REC114: variants seen among roughly 807,000 people sequenced by gnomAD.
The protein encoded by REC114 is meiotic recombination protein REC114.
REC114 carries 27 observed loss-of-function variants against 31.3 expected under a neutral mutation model. The observed-to-expected ratio is 0.86, with a 90% CI of 0.64 to 1.19. The LOEUF (loss-of-function observed/expected upper bound fraction) is 1.19, where lower values mean the gene tolerates loss of function less well. REC114 is among the 50% of genes most tolerant of loss of function. REC114 has a pLI of 0.00. For missense variants in REC114, 344 were observed against 326.9 expected (o/e 1.05, Z -0.40); for synonymous variants, 134 against 127.7 (o/e 1.05, Z -0.33).
chr15:73,458,385 C>T (rs1434953638), intron 1 of REC114, among the ~76,000 whole-genome samples: 1 of 152,160 alleles, frequency 6.6e-6, no homozygotes, highest in Non-Finnish European at 1.5e-5. Flanking sequence ...TTCTGCCATA[C>T]ACCGACACTT....
At chr15:73,496,410 G>A (rs1396665961) in intron 2 of REC114, among the ~76,000 whole-genome samples, 1 of 143,744 alleles carries the variant, frequency 7.0e-6, no homozygotes, top group Non-Finnish European at 1.5e-5. Flanking sequence ...CGTAATCCCA[G>A]CACTTTGGGA....
chr15:73,494,927 C>T (rs113327418), intron 2 of REC114, among the ~76,000 whole-genome samples: 18 of 152,174 alleles, frequency 1.2e-4, no homozygotes, highest in Non-Finnish European at 2.4e-4. Flanking sequence ...CTTATCTAGC[C>T]TGGTTTGCTT....
chr15:73,531,462 T>C (rs1894081605), intron 2 of REC114, among the ~76,000 whole-genome samples: 1 of 152,230 alleles, frequency 6.6e-6, no homozygotes, highest in Non-Finnish European at 1.5e-5. Context: ...TCATAATTTA[T>C]AATGCATGAA....
At chr15:73,546,817 GAA>G (rs11421177) in intron 3 of REC114, among the ~76,000 whole-genome samples, 4 of 115,836 alleles carry the variant, frequency 3.5e-5, no homozygotes, top group East Asian at 2.5e-4. Context: ...TCTGTCTCAG[GAA>G]AAAAAAAAAA....
chr15:73,468,665 G>T (rs961571588), intron 1 of REC114, among the ~76,000 whole-genome samples: 2 of 149,914 alleles, frequency 1.3e-5, no homozygotes, highest in African/African-American at 4.9e-5. Flanking sequence ...CTTTCAGTAT[G>T]AAGTTAGCTG....
chr15:73,530,494 T>G (rs893700927), intron 2 of REC114, among the ~76,000 whole-genome samples: 3 of 152,078 alleles, frequency 2.0e-5, no homozygotes, highest in African/African-American at 7.2e-5. Context: ...CAAAAAAATT[T>G]AAAATTAGCT....
chr15:73,490,692 C>T (rs1172064764), intron 2 of REC114, among the ~76,000 whole-genome samples: 1 of 152,046 alleles, frequency 6.6e-6, no homozygotes, highest in African/African-American at 2.4e-5. Context: ...AAGACCTTGT[C>T]TCAAAAAATA....
intron 2 of REC114, among the ~76,000 whole-genome samples, chr15:73,506,558 A>G (rs1163016022): frequency 6.6e-6 from 1 of 152,254 alleles, no homozygotes; most frequent in Non-Finnish European, 1.5e-5. Flanking sequence ...GAAATTGTTA[A>G]CTATAAACAA....
chr15:73,519,350 A>C (rs1351867850), intron 2 of REC114, among the ~76,000 whole-genome samples: 1 of 152,196 alleles, frequency 6.6e-6, no homozygotes. Flanking sequence ...GCAAGCCCTC[A>C]TCAGACACTG....
intron 2 of REC114, among the ~76,000 whole-genome samples, chr15:73,492,995 C>T (rs1012986428): frequency 6.6e-6 from 1 of 151,350 alleles, no homozygotes; most frequent in Admixed American, 6.6e-5. Context: ...TTTTTTTACT[C>T]TTCTTTATTT....
In REC114 at chr15:73,559,788, G is replaced by C. The variant is rs1304381370; in HGVS notation, c.673G>C (p.Glu225Gln). The change falls in exon 6 of 6, where the codon GAA becomes CAA. Residue 225 changes from glutamate (E) to glutamine (Q), a missense_variant. Coordinates refer to ENST00000331090, the MANE Select transcript of REC114 (RefSeq NM_001042367.2). ...ATCGGAGGAGCTGCCCCATGTCTAT[G>C]AACAATCTGCATGGGGTGCAGAAGA... ...LASEELPHVYEQSAWGAEELG... is the reference protein window; with the variant it reads ...LASEELPHVYQQSAWGAEELG... 6.2e-7 allele frequency: 1 copy of C among 1,608,202 alleles called. No homozygotes were observed. The highest frequency in any genetic ancestry group is 2.2e-5 in the East Asian group (1 of 44,670).
intron 2 of REC114, among the ~76,000 whole-genome samples, chr15:73,503,975 T>A (rs182539054): frequency 6.6e-6 from 1 of 151,292 alleles, no homozygotes; most frequent in African/African-American, 2.4e-5. Context: ...TGCTTTTATA[T>A]CTTAGAAATT....
chr15:73,466,955 C>G (rs1344414993), intron 1 of REC114, among the ~76,000 whole-genome samples: 2 of 152,120 alleles, frequency 1.3e-5, no homozygotes. Context: ...AGGGAAAAGC[C>G]AACTGCATCC....
intron 4 of REC114, among the ~76,000 whole-genome samples, chr15:73,555,041 T>G (rs989953585): frequency 8.5e-5 from 13 of 152,216 alleles, no homozygotes; most frequent in Non-Finnish European, 1.6e-4. Flanking sequence ...CGTTTTTTGT[T>G]TTCTTGTCTT....
rs183139043 is a variant in REC114 at position 73,523,610 on chromosome 15, C to T, written c.250-16875C>T. On this transcript the variant is annotated intron_variant, in intron 2 of 5. Transcript: ENST00000331090. ...TCAGGCCATATTTAGTTTGCTTTAA[C>T]GTATATATGTTGTGAATACTTTTTC... Among the ~76,000 whole-genome samples, 15 of 152,254 alleles carry T rather than the reference C, an allele frequency of 9.9e-5. No homozygotes were observed. The East Asian group carries it at 2.7e-3, about 27-fold the overall frequency.
At chr15:73,464,885 T>G (rs1893036550) in intron 1 of REC114, among the ~76,000 whole-genome samples, 1 of 151,930 alleles carries the variant, frequency 6.6e-6, no homozygotes, top group Non-Finnish European at 1.5e-5. Context: ...ATGATGTGTT[T>G]TTTGTTTGTT....
rs1342259720 is a variant in REC114, at chr15:73,513,734, G to T, written c.250-26751G>T. On this transcript the variant is annotated intron_variant, in intron 2 of 5. Transcript: ENST00000331090. Reference sequence around the variant, plus strand: ...AGGTGTCAGTGTGCCCCTGCTGGGGGGTGCCTCCCAGTTAGGCTGCTCGGG... The same window carrying T: ...AGGTGTCAGTGTGCCCCTGCTGGGGTGTGCCTCCCAGTTAGGCTGCTCGGG... Among the ~76,000 whole-genome samples the T allele has an allele frequency of 5.3e-5, 8 of 151,992 alleles. No individual in the cohort carries two copies. In the East Asian group the frequency reaches 1.5e-3, roughly 29 times the overall value.
At chr15:73,528,121 G>GT (rs1894030537) in intron 2 of REC114, among the ~76,000 whole-genome samples, 1 of 152,006 alleles carries the variant, frequency 6.6e-6, no homozygotes, top group Admixed American at 6.6e-5. Flanking sequence ...TCATTATTTT[G>GT]AAAGCTGACA....
At chr15:73,516,599 G>C (rs1893860552) in intron 2 of REC114, among the ~76,000 whole-genome samples, 1 of 152,130 alleles carries the variant, frequency 6.6e-6, no homozygotes, top group African/African-American at 2.4e-5. Flanking sequence ...AAGTAAGACA[G>C]CATTCTGGGC....
Sources: gnomAD v4.1 joint callset for allele counts (sites outside exome capture counted in the v4.1 genomes callset) on GRCh38, gnomAD v4.1.1 for gene constraint, MANE v1.5 for transcripts, NCBI Gene and HGNC (gene_info 2026-07-23, HGNC 2026-07-21) for gene names.